The following KIFAP3 variants were observed in gnomAD, a reference collection of about 807,000 sequenced individuals.
The protein encoded by KIFAP3 is kinesin-associated protein 3.
KIFAP3 carries 68 observed loss-of-function variants against 106.5 expected under a neutral mutation model. The observed-to-expected ratio is 0.64, with a 90% CI of 0.53 to 0.78. KIFAP3 has a LOEUF of 0.78. KIFAP3 is among the 30% of genes least tolerant of loss of function. The pLI, the probability that KIFAP3 is intolerant of heterozygous loss-of-function variation, is 0.00. For synonymous variants in KIFAP3, 320 were observed against 311.5 expected (o/e 1.03, Z -0.29); for missense variants, 780 against 941.8 (o/e 0.83, Z 2.25).
At chr1:170,033,588 A>G (rs1669526449) in intron 7 of KIFAP3, among the ~76,000 whole-genome samples, 1 of 151,796 alleles carries the variant, frequency 6.6e-6, no homozygotes, top group South Asian at 2.1e-4. Flanking sequence ...TATGATAAAT[A>G]TCTTCAAATA....
chr1:170,063,480 C>T (rs148514603), intron 1 of KIFAP3, among the ~76,000 whole-genome samples: 27 of 152,250 alleles, frequency 1.8e-4, no homozygotes, highest in Middle Eastern at 6.8e-3. Flanking sequence ...TAGCCCTCTG[C>T]CCTCCAAACT....
intron 10 of KIFAP3, among the ~76,000 whole-genome samples, chr1:170,005,115 C>A (rs893215039): frequency 4.6e-5 from 7 of 151,634 alleles, no homozygotes; most frequent in African/African-American, 1.7e-4. Context: ...AAATGCTCAT[C>A]ATCACTGGCC....
rs529992392 is a variant in KIFAP3, at chr1:170,043,271, G to C, written c.319+3441C>G. On this transcript the variant is annotated intron_variant, in intron 3 of 19. Transcript: ENST00000361580. ...TGCTGCAGAGTGAAAGAACATGTTT[G>C]GGTTCGTACGGTACCCACTGCTCAC... Among the ~76,000 whole-genome samples the C allele has an allele frequency of 3.9e-4, 59 of 152,278 alleles. 2 individuals are homozygous for C. The South Asian group carries it at 4.8e-3, about 12-fold the overall frequency.
intron 17 of KIFAP3, among the ~76,000 whole-genome samples, chr1:169,963,350 C>G (rs1558200332): frequency 1.3e-5 from 2 of 152,134 alleles, no homozygotes; most frequent in Non-Finnish European, 2.9e-5. Flanking sequence ...AGCCAGTCTA[C>G]TGTTGATGGG....
intron 19 of KIFAP3, among the ~76,000 whole-genome samples, chr1:169,935,100 T>C (rs1663717123): frequency 3.3e-5 from 5 of 152,112 alleles, no homozygotes; most frequent in Non-Finnish European, 5.9e-5. Flanking sequence ...AAAATACTTA[T>C]TAATGCATTT....
At chr1:169,987,807 A>T (rs181185704) in intron 11 of KIFAP3, among the ~76,000 whole-genome samples, 60 of 152,218 alleles carry the variant, frequency 3.9e-4, no homozygotes, top group Admixed American at 1.4e-3. Flanking sequence ...CCATTCTATT[A>T]CCAATAAATA....
chr1:170,066,938 A>G (rs1671475441), intron 1 of KIFAP3, among the ~76,000 whole-genome samples: 1 of 152,198 alleles, frequency 6.6e-6, no homozygotes, highest in Admixed American at 6.5e-5. Context: ...CTGAGCCTCA[A>G]ATGATTATTT....
At chr1:169,928,804 T>G (rs1184440713) in intron 19 of KIFAP3, among the ~76,000 whole-genome samples, 2 of 151,916 alleles carry the variant, frequency 1.3e-5, no homozygotes, top group Non-Finnish European at 2.9e-5. Context: ...AAGGTTATAT[T>G]TCATTGGAAT....
chr1:170,074,260 C>G (rs1005126902), intron 1 of KIFAP3, among the ~76,000 whole-genome samples, 176 bp downstream of exon 1: 2 of 152,322 alleles, frequency 1.3e-5, no homozygotes, highest in East Asian at 3.9e-4. Flanking sequence ...TGAAACCCCC[C>G]CAGAGCTCTC....
At chr1:170,061,063 A>C (rs1366099388) in intron 1 of KIFAP3, among the ~76,000 whole-genome samples, 4 of 152,252 alleles carry the variant, frequency 2.6e-5, no homozygotes, top group Non-Finnish European at 5.9e-5. Context: ...AAAACCCTAG[A>C]AGAAAACCTA....
intron 2 of KIFAP3, 39 bp from the exon 3 acceptor site, chr1:170,046,905 A>C (rs778256411): frequency 7.1e-7 from 1 of 1,400,404 alleles, no homozygotes; most frequent in African/African-American, 1.4e-5. Flanking sequence ...ACGTATTATA[A>C]AAGTAATAAC....
chr1:169,997,417 T>A (rs1193642267), intron 10 of KIFAP3, among the ~76,000 whole-genome samples: 2 of 152,202 alleles, frequency 1.3e-5, no homozygotes. Context: ...ATATATATGA[T>A]GCTTTGTGTT....
In KIFAP3 at chr1:170,056,421, A is replaced by G. The variant is rs544905264; in HGVS notation, c.33-985T>C. Among the ~76,000 whole-genome samples the G allele has an allele frequency of 3.3e-5, 5 of 152,344 alleles. No homozygotes were observed. The East Asian group carries it at 9.6e-4, about 29-fold the overall frequency. ...ATGAATTCTTAATTGCAGTAAACCA[A>G]TGATGAATTAATCACTATTTGCCAC... On this transcript the variant is annotated intron_variant, in intron 1 of 19. Coordinates refer to ENST00000361580, the MANE Select transcript of KIFAP3 (RefSeq NM_014970.4).
At position 170,046,697 on chromosome 1, in the gene KIFAP3, A is replaced by T; in HGVS notation, c.319+15T>A. Reference sequence around the variant, plus strand: ...TTTGGATTTGCATTAGGAAGCCAGGAATTCTACTACTTACCTTTTCCTGAC... The same window carrying T: ...TTTGGATTTGCATTAGGAAGCCAGGTATTCTACTACTTACCTTTTCCTGAC... On this transcript the variant is annotated intron_variant, in intron 3 of 19. Transcript: ENST00000361580. 1 of 1,476,378 alleles carries T rather than the reference A, an allele frequency of 6.8e-7. No individual in the cohort carries two copies. 91.5% of individuals were successfully genotyped at this position (1,476,378 alleles called of 1,614,324 possible). A position where few individuals can be genotyped will look rare whatever the true frequency, so the allele number is the denominator to read the frequency against.
chr1:170,070,981 A>C (rs1671680068), intron 1 of KIFAP3, among the ~76,000 whole-genome samples: 1 of 152,242 alleles, frequency 6.6e-6, no homozygotes, highest in East Asian at 1.9e-4. Context: ...CAAGAAGCAC[A>C]TGAAAAGCTC....
chr1:169,934,611 T>C (rs943037858), intron 19 of KIFAP3, among the ~76,000 whole-genome samples: 2 of 152,148 alleles, frequency 1.3e-5, no homozygotes, highest in African/African-American at 4.8e-5. Context: ...GTGGAGTATT[T>C]TCATTCTGCG....
chr1:170,026,163 A>T (rs148726076), intron 8 of KIFAP3, among the ~76,000 whole-genome samples: 96 of 152,242 alleles, frequency 6.3e-4, no homozygotes, highest in African/African-American at 2.2e-3. Context: ...GAGACGAGAG[A>T]AGATTCTTTT....
intron 10 of KIFAP3, among the ~76,000 whole-genome samples, chr1:170,012,917 T>C (rs1194111256): frequency 6.6e-6 from 1 of 152,094 alleles, no homozygotes; most frequent in Non-Finnish European, 1.5e-5. Flanking sequence ...ATGAGAACAC[T>C]ATGCGGAAAA....
At chr1:170,024,225 G>T in intron 9 of KIFAP3, 193 bp downstream of exon 9, 1 of 409,312 alleles carries the variant, frequency 2.4e-6, no homozygotes, top group South Asian at 6.4e-5. Flanking sequence ...TATTCAGAAA[G>T]CTTCAATCAC....
Sources: gnomAD v4.1 joint callset for allele counts (sites outside exome capture counted in the v4.1 genomes callset) on GRCh38, gnomAD v4.1.1 for gene constraint, MANE v1.5 for transcripts, NCBI Gene and HGNC (gene_info 2026-07-23, HGNC 2026-07-21) for gene names.